The following GNB1 variants were observed in gnomAD, a reference collection of about 807,000 sequenced individuals.
The protein encoded by GNB1 is guanine nucleotide-binding protein G(I)/G(S)/G(T) subunit beta-1.
In GNB1, 2 loss-of-function variants were observed where a neutral mutation model predicts 42.9. The ratio of observed to expected loss-of-function variants is 0.05; its 90% CI spans 0.02 to 0.15. GNB1 has a LOEUF of 0.15. Among genes scored for constraint, GNB1 ranks in the 10% least tolerant of loss-of-function variants. The pLI is 1.00. For missense variants in GNB1, 193 were observed against 462.2 expected, an observed-to-expected ratio of 0.42 and a Z score of 5.34; for synonymous variants, 183 against 174.7, an observed-to-expected ratio of 1.05 and a Z score of -0.38.
intron 5 of GNB1, among the ~76,000 whole-genome samples, chr1:1,814,318 C>A (rs1646821286): frequency 6.6e-6 from 1 of 152,190 alleles, no homozygotes; most frequent in South Asian, 2.1e-4. Flanking sequence ...CAAAGAAGGG[C>A]ATGTTAAAAA....
rs779971509 is a variant in GNB1, at chr1:1,789,054, T to C, written c.915A>G (p.Ala305=). Residue 305 remains alanine (A), a splice_region_variant and synonymous_variant, in exon 10 of 12, where the codon GCA becomes GCG. Coordinates refer to ENST00000378609, the MANE Select transcript of GNB1 (RefSeq NM_002074.5). ...CAGAAAGGCCCCATGGCCACGTACCTGCCCGGTCGGCTTTGAGTGCATCCC... is the reference window on the plus strand; with the variant it reads ...CAGAAAGGCCCCATGGCCACGTACCCGCCCGGTCGGCTTTGAGTGCATCCC... ...NVWDALKADR[A]GVLAGHDNRV... 2 of 1,612,280 alleles carry C rather than the reference T, an allele frequency of 1.2e-6. No homozygotes were observed. Among genetic ancestry groups the C allele is most frequent in the Non-Finnish European group, 1.7e-6 (2 of 1,178,286 alleles).
At chr1:1,833,185 G>GT in intron 2 of GNB1, among the ~76,000 whole-genome samples, 1 of 152,114 alleles carries the variant, frequency 6.6e-6, no homozygotes, top group Non-Finnish European at 1.5e-5. Flanking sequence ...ACCGGCCCCA[G>GT]TGTCTTACAC....
intron 1 of GNB1, among the ~76,000 whole-genome samples, chr1:1,841,368 T>C (rs1027194300): frequency 2.0e-5 from 3 of 152,090 alleles, no homozygotes; most frequent in African/African-American, 7.2e-5. Flanking sequence ...TTAGTAGAGA[T>C]GGGGTTTCAC....
At chr1:1,870,780 C>A (rs1649204469) in intron 1 of GNB1, among the ~76,000 whole-genome samples, 3 of 151,942 alleles carry the variant, frequency 2.0e-5, no homozygotes, top group South Asian at 2.1e-4. Context: ...ACTAAAAATG[C>A]AAAATAAATT....
chr1:1,794,372 T>A (rs1208424767), intron 7 of GNB1, among the ~76,000 whole-genome samples: 1 of 152,170 alleles, frequency 6.6e-6, no homozygotes, highest in Admixed American at 6.5e-5. Flanking sequence ...CTTTTGTACA[T>A]TGATCACAGT....
chr1:1,814,060 A>T (rs1248627670), intron 5 of GNB1, among the ~76,000 whole-genome samples: 1 of 152,164 alleles, frequency 6.6e-6, no homozygotes, highest in Non-Finnish European at 1.5e-5. Context: ...GTACCCTCAG[A>T]ATATCATCTC....
At chr1:1,857,747 C>T (rs1171416601) in intron 1 of GNB1, among the ~76,000 whole-genome samples, 2 of 152,170 alleles carry the variant, frequency 1.3e-5, no homozygotes, top group African/African-American at 4.8e-5. Flanking sequence ...TAGTACCACA[C>T]TTTATATAGA....
chr1:1,850,563 T>C (rs1299369746), intron 1 of GNB1, among the ~76,000 whole-genome samples: 1 of 152,150 alleles, frequency 6.6e-6, no homozygotes, highest in East Asian at 1.9e-4. Context: ...TCATCTATAA[T>C]GTTTTTAAAG....
intron 1 of GNB1, among the ~76,000 whole-genome samples, chr1:1,874,894 T>C (rs551210050): frequency 2.6e-5 from 4 of 152,146 alleles, no homozygotes; most frequent in African/African-American, 7.2e-5. Flanking sequence ...CAGGGACCGG[T>C]TTTGTGAAGG....
chr1:1,818,434 G>A (rs1267848780), intron 3 of GNB1: 1 of 152,084 alleles, frequency 6.6e-6, no homozygotes, highest in African/African-American at 2.4e-5. Context: ...AAATTCTATG[G>A]AGGGCGCGGT....
chr1:1,865,981 C>A (rs888941158), intron 1 of GNB1, among the ~76,000 whole-genome samples: 2 of 151,724 alleles, frequency 1.3e-5, no homozygotes, highest in African/African-American at 4.8e-5. Context: ...TCTTGTTGCC[C>A]AGGCTGGAGT....
intron 1 of GNB1, among the ~76,000 whole-genome samples, chr1:1,887,159 G>C (rs1000075421): frequency 6.6e-6 from 1 of 152,178 alleles, no homozygotes; most frequent in Non-Finnish European, 1.5e-5. Flanking sequence ...TAATGCTAAA[G>C]CCAAAGTCAC....
At chr1:1,845,149 A>ACAAC (rs756779347) in intron 1 of GNB1, among the ~76,000 whole-genome samples, 3 of 152,208 alleles carry the variant, frequency 2.0e-5, no homozygotes, top group African/African-American at 4.8e-5. Flanking sequence ...CCTGTAAAAC[A>ACAAC]CAACCAACCA....
At chr1:1,887,345 T>C (rs936973988) in intron 1 of GNB1, among the ~76,000 whole-genome samples, 9 of 152,216 alleles carry the variant, frequency 5.9e-5, no homozygotes, top group Admixed American at 2.0e-4. Flanking sequence ...AGTCTAGAGA[T>C]GCCCTGAAGA....
chr1:1,851,334 C>G (rs1459113724), intron 1 of GNB1, among the ~76,000 whole-genome samples: 1 of 149,756 alleles, frequency 6.7e-6, no homozygotes, highest in Non-Finnish European at 1.5e-5. Flanking sequence ...CGCTTGAACC[C>G]GGGAGGCGGA....
intron 2 of GNB1, among the ~76,000 whole-genome samples, chr1:1,831,786 C>T (rs1041342863): frequency 1.3e-5 from 2 of 148,510 alleles, no homozygotes; most frequent in Non-Finnish European, 3.0e-5. Context: ...GGTCTGGGCG[C>T]GGTGGCTCAT....
chr1:1,858,517 C>T (rs1032301927), intron 1 of GNB1, among the ~76,000 whole-genome samples: 6 of 152,106 alleles, frequency 3.9e-5, no homozygotes, highest in Non-Finnish European at 5.9e-5. Flanking sequence ...TAAAAAGGGA[C>T]AGATCCCTCC....
At chr1:1,868,347 T>C (rs887059543) in intron 1 of GNB1, among the ~76,000 whole-genome samples, 1 of 152,186 alleles carries the variant, frequency 6.6e-6, no homozygotes, top group African/African-American at 2.4e-5. Flanking sequence ...AACTAATTTT[T>C]GTATTTTTTA....
At position 1,877,315 on chromosome 1, in the gene GNB1, A is replaced by AT. The variant is rs1329325286; in HGVS notation, c.-96+13504_-96+13505insA. ...CTCTGTCTCAAAAAAAAAAAAAAAA[A>AT]AATATATATATATATACACACACAC... On this transcript the variant is annotated intron_variant, in intron 1 of 11. Transcript: ENST00000378609. Among the ~76,000 whole-genome samples, 1,144 of 127,972 alleles carry AT rather than the reference A, an allele frequency of 8.9e-3. 5 individuals are homozygous for AT. Among genetic ancestry groups the AT allele is most frequent in the Middle Eastern group, 0.028 (6 of 212 alleles). 84.0% of individuals were successfully genotyped at this position (127,972 alleles called of 152,430 possible). A position where few individuals can be genotyped will look rare whatever the true frequency, so the allele number is the denominator to read the frequency against.
Sources: allele counts gnomAD v4.1 joint callset (sites outside exome capture counted in the v4.1 genomes callset), GRCh38; gene constraint gnomAD v4.1.1; transcripts MANE v1.5; gene names NCBI Gene and HGNC (gene_info 2026-07-23, HGNC 2026-07-21).